Variants in TRAPPC3L observed in about 807,000 individuals in gnomAD.
TRAPPC3L encodes trafficking protein particle complex subunit 3L, also known as trafficking protein particle complex subunit 3-like protein.
Under a neutral mutation model 23.7 loss-of-function variants are expected in TRAPPC3L, and 23 were observed. The ratio of observed to expected loss-of-function variants is 0.97; its 90% CI spans 0.70 to 1.37. The LOEUF (loss-of-function observed/expected upper bound fraction) is 1.37, where lower values mean the gene tolerates loss of function less well. TRAPPC3L is among the 40% of genes most tolerant of loss of function. The pLI is 0.00. For missense variants in TRAPPC3L, 212 were observed against 216.8 expected, an observed-to-expected ratio of 0.98 and a Z score of 0.14; for synonymous variants, 81 against 77.9, an observed-to-expected ratio of 1.04 and a Z score of -0.21.
intron 1 of TRAPPC3L, among the ~76,000 whole-genome samples, chr6:116,544,908 A>T (rs1023224980): frequency 2.0e-5 from 3 of 152,100 alleles, no homozygotes; most frequent in African/African-American, 7.2e-5. Context: ...TAAAACTATA[A>T]GAGAGTATTA....
rs1189806360 is a variant in TRAPPC3L, at chr6:116,496,119, G to C, written c.*835C>G. On this transcript the variant is annotated 3_prime_UTR_variant, in exon 5 of 5. Transcript: ENST00000368602. ...ACTGTGTATTTAATTCGGTACACTTGAATTTTAAATGTGTTCTGGTCACAA... is the reference window on the plus strand; with the variant it reads ...ACTGTGTATTTAATTCGGTACACTTCAATTTTAAATGTGTTCTGGTCACAA... 1 of 152,120 alleles carries C rather than the reference G, an allele frequency of 6.6e-6. No homozygotes were observed. Among genetic ancestry groups the C allele is most frequent in the Non-Finnish European group, 1.5e-5 (1 of 68,016 alleles). 9.4% of individuals were successfully genotyped at this position (152,120 alleles called of 1,614,324 possible).
rs1340924080 is a variant in TRAPPC3L at position 116,545,649 on chromosome 6, A to C, written c.-135T>G. The C allele has an allele frequency of 2.3e-5, 15 of 653,082 alleles. No homozygotes were observed. In the Admixed American group the frequency reaches 4.9e-4, roughly 22 times the overall value. 40.5% of individuals were successfully genotyped at this position (653,082 alleles called of 1,614,324 possible). A position where few individuals can be genotyped will look rare whatever the true frequency, so the allele number is the denominator to read the frequency against. On this transcript the variant is annotated 5_prime_UTR_variant, in exon 1 of 5. Transcript: ENST00000368602. The stretch of plus-strand genomic sequence containing the variant: ...TTTGAGACAGGAGTGCTGCTTCTGC[A>C]CTCTGCTGCTTTTGCTCTTTGCTGA...
At chr6:116,524,645 G>A (rs1772411779) in intron 3 of TRAPPC3L, 1 of 151,896 alleles carries the variant, frequency 6.6e-6, no homozygotes, top group South Asian at 2.1e-4. Context: ...TATTCTCATT[G>A]GTTTCTTTAT....
At chr6:116,545,393 A>C in intron 1 of TRAPPC3L, 80 bp downstream of exon 1, 2 of 1,254,712 alleles carry the variant, frequency 1.6e-6, no homozygotes, top group Non-Finnish European at 1.1e-6. Flanking sequence ...TTATAGCATC[A>C]GTTTTTAAAA....
chr6:116,520,385 A>G (rs1772310338), intron 3 of TRAPPC3L: 1 of 152,190 alleles, frequency 6.6e-6, no homozygotes, highest in Non-Finnish European at 1.5e-5. Context: ...CTTATTTTAA[A>G]TATCCCCTGT....
intron 3 of TRAPPC3L, chr6:116,511,596 G>T: frequency 1.7e-5 from 18 of 1,034,684 alleles, no homozygotes; most frequent in Non-Finnish European, 2.6e-5. Context: ...GTCTGAGAAG[G>T]ACTGTTGTTT....
chr6:116,526,677 A>G, intron 3 of TRAPPC3L, among the ~76,000 whole-genome samples: 1 of 152,190 alleles, frequency 6.6e-6, no homozygotes, highest in East Asian at 1.9e-4. Context: ...TACACCAGGC[A>G]GGGATGGCCT....
At chr6:116,529,843 C>A (rs149048762) in intron 3 of TRAPPC3L, among the ~76,000 whole-genome samples, 1,534 of 152,270 alleles carry the variant, frequency 0.01, 12 homozygotes, top group Non-Finnish European at 0.016. Context: ...GGCCCCCAGG[C>A]TGCATTTCTG....
rs932007734 is a variant in TRAPPC3L, at chr6:116,495,602, A to G, written c.*1352T>C. 1.3e-5 allele frequency: 2 copies of G among 152,150 alleles called. No individual in the cohort carries two copies. The highest frequency in any genetic ancestry group is 4.8e-5 in the African/African-American group (2 of 41,434). 9.4% of individuals were successfully genotyped at this position (152,150 alleles called of 1,614,324 possible). ...TTGAGGAACCTCCAAACCGTTCTCC[A>G]TAGTGGTTATACTAATTTACATTCC... is the stretch of plus-strand genomic sequence containing the variant. On this transcript the variant is annotated 3_prime_UTR_variant, in exon 5 of 5. Coordinates refer to ENST00000368602, the MANE Select transcript of TRAPPC3L (RefSeq NM_001139444.3).
Position 116,500,672 on chromosome 6 carries a change from AAGAAAAAAACAAAATT to A in TRAPPC3L, c.241-22_241-7del. 1 of 1,550,642 alleles carries A rather than the reference AAGAAAAAAACAAAATT, an allele frequency of 6.4e-7. No individual in the cohort carries two copies. ...AGGTACATCTTGAAAGCAACCTGAT[AAGAAAAAAACAAAATT>A]ACTAAAACTTGGTCTAGAACAAATA... On this transcript the variant is annotated splice_region_variant and splice_polypyrimidine_tract_variant and intron_variant, in intron 3 of 4. Transcript: ENST00000368602.
At chr6:116,516,595 T>G (rs1391768947) in intron 3 of TRAPPC3L, 1 of 149,670 alleles carries the variant, frequency 6.7e-6, no homozygotes. Flanking sequence ...TGCATCATAA[T>G]TTTTGTGGGC....
At chr6:116,528,171 A>AC (rs1772503888) in intron 3 of TRAPPC3L, among the ~76,000 whole-genome samples, 1 of 152,220 alleles carries the variant, frequency 6.6e-6, no homozygotes, top group Non-Finnish European at 1.5e-5. Context: ...ATGAAAGAAA[A>AC]AATAATATTA....
chr6:116,532,445 AAATGTCAAC>A (rs776673971), intron 3 of TRAPPC3L, among the ~76,000 whole-genome samples: 15 of 152,208 alleles, frequency 9.9e-5, no homozygotes, highest in Non-Finnish European at 2.1e-4. Context: ...AGTATTTAAT[AAATGTCAAC>A]AGGTGTGGAT....
In TRAPPC3L at chr6:116,497,079, A is replaced by C; in HGVS notation, c.427-6T>G. 1 of 1,537,324 alleles carries C rather than the reference A, an allele frequency of 6.5e-7. No homozygotes were observed. The highest frequency in any genetic ancestry group is 8.7e-7 in the Non-Finnish European group (1 of 1,143,070). ...ACATCAGCCGCCAAATGAACCTAGG[A>C]AAGAAGAAAAAAACAGGCCTGTGTC... On this transcript the variant is annotated splice_region_variant and splice_polypyrimidine_tract_variant and intron_variant, in intron 4 of 4. Coordinates refer to ENST00000368602, the MANE Select transcript of TRAPPC3L (RefSeq NM_001139444.3).
chr6:116,512,286 T>A, intron 3 of TRAPPC3L: 1 of 1,538,008 alleles, frequency 6.5e-7, no homozygotes. Flanking sequence ...CTCGAAGTAT[T>A]CTCTCTGTGC....
At chr6:116,516,006 G>T (rs754897352) in intron 3 of TRAPPC3L, 2 of 1,567,772 alleles carry the variant, frequency 1.3e-6, no homozygotes, top group South Asian at 2.4e-5. Flanking sequence ...CACCATCAAT[G>T]ACTCATGGTG....
chr6:116,526,208 A>G (rs950610587), intron 3 of TRAPPC3L, among the ~76,000 whole-genome samples: 1 of 152,258 alleles, frequency 6.6e-6, no homozygotes, highest in African/African-American at 2.4e-5. Context: ...CTTTGTTTCA[A>G]TCAAAACTGT....
At chr6:116,528,046 AT>A (rs1772500488) in intron 3 of TRAPPC3L, among the ~76,000 whole-genome samples, 1 of 152,254 alleles carries the variant, frequency 6.6e-6, no homozygotes, top group Non-Finnish European at 1.5e-5. Context: ...GTAAGTCCTG[AT>A]TATGAACAAA....
At position 116,515,546 on chromosome 6, in the gene TRAPPC3L, C is replaced by T. The variant is rs945016803; in HGVS notation, c.241-14880G>A. 3 of 1,524,558 alleles carry T rather than the reference C, an allele frequency of 2.0e-6. No homozygotes were observed. In the African/African-American group the frequency reaches 4.2e-5, roughly 21 times the overall value. 94.4% of individuals were successfully genotyped at this position (1,524,558 alleles called of 1,614,324 possible). Reference sequence around the variant, plus strand: ...TATACACTTCTCAATAATACCCCAGCTCCCTAAATGGCTTTGCTTTCACGT... The same window carrying T: ...TATACACTTCTCAATAATACCCCAGTTCCCTAAATGGCTTTGCTTTCACGT... On this transcript the variant is annotated intron_variant, in intron 3 of 4. Transcript: ENST00000368602.
Sources: allele counts gnomAD v4.1 joint callset (sites outside exome capture counted in the v4.1 genomes callset), GRCh38; gene constraint gnomAD v4.1.1; transcripts MANE v1.5; gene names NCBI Gene and HGNC (gene_info 2026-07-23, HGNC 2026-07-21).